The following EFEMP1 variants were observed in gnomAD, a reference collection of about 807,000 sequenced individuals.
EFEMP1 encodes the protein EGF-containing fibulin-like extracellular matrix protein 1.
In EFEMP1, 18 loss-of-function variants were observed where a neutral mutation model predicts 65.7. That is an observed-to-expected ratio of 0.27 (90% CI 0.19 to 0.41). EFEMP1 has a LOEUF of 0.41. Ranked by LOEUF, EFEMP1 falls within the 10% of genes least tolerant of loss-of-function variation. The pLI is 1.00. For missense variants in EFEMP1, 469 were observed against 624.8 expected, an observed-to-expected ratio of 0.75 and a Z score of 2.66; for synonymous variants, 237 against 219.7, an observed-to-expected ratio of 1.08 and a Z score of -0.70.
At chr2:55,914,952 T>C (rs573593646) in intron 5 of EFEMP1, among the ~76,000 whole-genome samples, 8 of 152,232 alleles carry the variant, frequency 5.3e-5, no homozygotes, top group Non-Finnish European at 1.2e-4. Flanking sequence ...GAGAATGTCA[T>C]ACATCTGCAG....
chr2:55,915,034 T>C (rs1008258471), intron 5 of EFEMP1, among the ~76,000 whole-genome samples: 4 of 152,266 alleles, frequency 2.6e-5, no homozygotes, highest in Non-Finnish European at 4.4e-5. Context: ...ACTCGACTTA[T>C]GTTAGTCAAA....
At chr2:55,869,646 A>G (rs1239624135) in intron 11 of EFEMP1, among the ~76,000 whole-genome samples, 4 of 152,212 alleles carry the variant, frequency 2.6e-5, no homozygotes, top group Admixed American at 2.6e-4. Flanking sequence ...CTGTACCACA[A>G]GGATGAATTT....
rs1005466948 is a variant in EFEMP1, at chr2:55,922,066, G to A, written c.81+294C>T. On this transcript the variant is annotated intron_variant, in intron 3 of 11. Coordinates refer to ENST00000355426, the MANE Select transcript of EFEMP1 (RefSeq NM_001039348.3). The surrounding 1 kb of genome is among the most constrained non-coding windows in gnomAD (Gnocchi z 5.5). ...CCTTACACCCATTAATTTGTTGAATGTTTTGGAAACATGTAACTTTCTTTG... is the reference window on the plus strand; with the variant it reads ...CCTTACACCCATTAATTTGTTGAATATTTTGGAAACATGTAACTTTCTTTG... The A allele has an allele frequency of 1.0e-5, 4 of 386,706 alleles. No individual in the cohort carries two copies. Among genetic ancestry groups the A allele is most frequent in the Non-Finnish European group, 2.0e-5 (4 of 202,070 alleles). 24.0% of individuals were successfully genotyped at this position (386,706 alleles called of 1,614,324 possible).
intron 5 of EFEMP1, among the ~76,000 whole-genome samples, chr2:55,902,249 C>T (rs1040739658): frequency 3.9e-5 from 6 of 152,214 alleles, no homozygotes; most frequent in Non-Finnish European, 5.9e-5. Flanking sequence ...TACGTAAACT[C>T]AGGCAAGACT....
chr2:55,904,719 C>T (rs1443503744), intron 5 of EFEMP1, among the ~76,000 whole-genome samples: 2 of 152,184 alleles, frequency 1.3e-5, no homozygotes, highest in Non-Finnish European at 2.9e-5. Flanking sequence ...CTCCCACACC[C>T]TTTTTAGCCC....
At chr2:55,893,102 A>T (rs6708689) in intron 5 of EFEMP1, among the ~76,000 whole-genome samples, 5 of 152,030 alleles carry the variant, frequency 3.3e-5, no homozygotes, top group Middle Eastern at 3.4e-3. Flanking sequence ...TGAGGCTGCC[A>T]GATAGGTGTA....
intron 5 of EFEMP1, among the ~76,000 whole-genome samples, chr2:55,900,219 A>C (rs1423491549): frequency 2.6e-5 from 4 of 152,230 alleles, no homozygotes; most frequent in Non-Finnish European, 5.9e-5. Context: ...ATATTAGCAA[A>C]TGGATGGCTG....
In EFEMP1 at chr2:55,871,050, A is replaced by G. The variant is rs1283230050; in HGVS notation, c.1074T>C (p.Arg358=). 8 of 1,613,614 alleles carry G rather than the reference A, an allele frequency of 5.0e-6. No individual in the cohort carries two copies. Among genetic ancestry groups the G allele is most frequent in the Non-Finnish European group, 5.9e-6 (7 of 1,179,816 alleles). The change falls in exon 10 of 12, where the codon CGT becomes CGC. Residue 358 remains arginine, a synonymous_variant. Coordinates refer to ENST00000355426, the MANE Select transcript of EFEMP1 (RefSeq NM_001039348.3). This position sits in a 1 kb window ranked among gnomAD's most constrained non-coding sequence, Gnocchi z 4.2. ...EMCWNYHGGF[R]CYPRNPCQDP... ...CTTGACAAGGATTTCGTGGATAACA[A>G]CGGAAGCCGCCATGATAATTCCAAC...
intron 5 of EFEMP1, among the ~76,000 whole-genome samples, chr2:55,887,660 TG>T (rs1669470496): frequency 6.6e-6 from 1 of 152,218 alleles, no homozygotes; most frequent in African/African-American, 2.4e-5. Context: ...TCTTAATCGA[TG>T]GCCAGCAGTA....
chr2:55,904,822 G>C (rs1330466077), intron 5 of EFEMP1, among the ~76,000 whole-genome samples: 1 of 152,088 alleles, frequency 6.6e-6, no homozygotes, highest in African/African-American at 2.4e-5. Context: ...ATAATCACAT[G>C]AGAAATTCTC....
At chr2:55,915,376 A>G (rs1670640561) in intron 5 of EFEMP1, among the ~76,000 whole-genome samples, 1 of 152,238 alleles carries the variant, frequency 6.6e-6, no homozygotes, top group Admixed American at 6.5e-5. Context: ...AGAAAGAACT[A>G]TAAATGTTTT....
intron 6 of EFEMP1, 108 bp downstream of exon 6, chr2:55,881,504 T>C: frequency 7.0e-7 from 1 of 1,430,528 alleles, no homozygotes. Context: ...TAAGGAATTA[T>C]TGGCTACCAC....
intron 5 of EFEMP1, among the ~76,000 whole-genome samples, chr2:55,914,641 A>G (rs1470675836): frequency 1.3e-5 from 2 of 152,222 alleles, no homozygotes; most frequent in Non-Finnish European, 2.9e-5. Flanking sequence ...AGGTTATATA[A>G]TGATAAACTA....
Position 55,923,722 on chromosome 2 carries a change from C to T in EFEMP1, c.-60G>A, listed in dbSNP as rs192789765. Reference sequence around the variant, plus strand: ...TTGGGGGCTCCTACCTGTGCGGCCGCGCTGCGCTCCGGGCCCGGGCAGCGA... The same window carrying T: ...TTGGGGGCTCCTACCTGTGCGGCCGTGCTGCGCTCCGGGCCCGGGCAGCGA... On this transcript the variant is annotated 5_prime_UTR_variant, in exon 1 of 12. Transcript: ENST00000355426. This position sits in a 1 kb window ranked among gnomAD's most constrained non-coding sequence, Gnocchi z 5.3. 6.2e-3 allele frequency: 6,126 copies of T among 985,736 alleles called. 24 individuals carry two copies. The highest frequency in any genetic ancestry group is 0.024 in the South Asian group (501 of 21,294). 61.1% of individuals were successfully genotyped at this position (985,736 alleles called of 1,614,324 possible).
At position 55,867,216 on chromosome 2, in the gene EFEMP1, C is replaced by T. The variant is rs746366927; in HGVS notation, c.1339G>A (p.Ala447Thr). ...AATGACTTCACGAGCACAAGCATTGCACTTACAGGACTTGTTTGCTAAAAT... is the reference window on the plus strand; with the variant it reads ...AATGACTTCACGAGCACAAGCATTGTACTTACAGGACTTGTTTGCTAAAAT... Reference protein sequence around the residue: ...FYLRQTSPVSAMLVLVKSLSG... With the variant: ...FYLRQTSPVSTMLVLVKSLSG... The change falls in exon 12 of 12, where the codon GCA becomes ACA. Residue 447 changes from alanine to threonine, a missense_variant. Physicochemically the swap from Ala to Thr is moderately conservative, Grantham distance 58. Coordinates refer to ENST00000355426, the MANE Select transcript of EFEMP1 (RefSeq NM_001039348.3). The surrounding 1 kb of genome is among the most constrained non-coding windows in gnomAD (Gnocchi z 4.3). The T allele has an allele frequency of 1.2e-6, 2 of 1,613,744 alleles. No homozygotes were observed. Among genetic ancestry groups the T allele is most frequent in the African/African-American group, 1.3e-5 (1 of 74,902 alleles).
At position 55,891,617 on chromosome 2, in the gene EFEMP1, T is replaced by G. The variant is rs527404795; in HGVS notation, c.518-9883A>C. 2.0e-5 allele frequency among the ~76,000 whole-genome samples: 3 copies of G among 152,246 alleles called. 1 individual carries two copies. Among genetic ancestry groups the G allele is most frequent in the African/African-American group, 7.2e-5 (3 of 41,580 alleles). ...TACCTTTACAATCTATCTCCCAACA[T>G]CTGAAATACTTGCCTCATGATGAAG... On this transcript the variant is annotated intron_variant, in intron 5 of 11. Transcript: ENST00000355426.
chr2:55,894,450 CT>C (rs1669741201), intron 5 of EFEMP1, among the ~76,000 whole-genome samples: 3 of 151,966 alleles, frequency 2.0e-5, no homozygotes, highest in Admixed American at 2.0e-4. Flanking sequence ...AATAACAAAG[CT>C]TAGAGTTAGA....
Position 55,922,722 on chromosome 2 carries a change from A to G in EFEMP1, c.-8+177T>C, listed in dbSNP as rs908311795. On this transcript the variant is annotated intron_variant, in intron 2 of 11. Coordinates refer to ENST00000355426, the MANE Select transcript of EFEMP1 (RefSeq NM_001039348.3). This position sits in a 1 kb window ranked among gnomAD's most constrained non-coding sequence, Gnocchi z 5.5. ...TACATACAAAAGACATTCAGCGTGCATTTTATACTGCACCTACAAAGCAGG... is the reference window on the plus strand; with the variant it reads ...TACATACAAAAGACATTCAGCGTGCGTTTTATACTGCACCTACAAAGCAGG... The G allele has an allele frequency of 1.3e-5, 6 of 461,932 alleles. No homozygotes were observed. The highest frequency in any genetic ancestry group is 6.0e-5 in the East Asian group (1 of 16,626). 28.6% of individuals were successfully genotyped at this position (461,932 alleles called of 1,614,324 possible).
chr2:55,916,161 G>A (rs928233335), intron 5 of EFEMP1, among the ~76,000 whole-genome samples: 6 of 149,178 alleles, frequency 4.0e-5, no homozygotes, highest in Non-Finnish European at 4.4e-5. Context: ...CCAGGCTGGA[G>A]TGCAGTAGCA....
Sources: allele counts gnomAD v4.1 joint callset (sites outside exome capture counted in the v4.1 genomes callset), GRCh38; gene constraint gnomAD v4.1.1; non-coding constraint Gnocchi (gnomAD v3.1); transcripts MANE v1.5; gene names NCBI Gene and HGNC (gene_info 2026-07-23, HGNC 2026-07-21).